SMIM45: variants seen among roughly 807,000 people sequenced by gnomAD.
SMIM45 encodes small integral membrane protein 45.
the SMIM45 span, among the ~76,000 whole-genome samples, chr22:41,954,460 C>A: frequency 6.6e-6 from 1 of 152,130 alleles, no homozygotes; most frequent in African/African-American, 2.4e-5. Context: ...ACTGCCTTGG[C>A]CTCCCAAAAT....
the SMIM45 span, chr22:41,958,437 G>C: frequency 6.6e-6 from 3 of 455,272 alleles, no homozygotes; most frequent in East Asian, 2.1e-4. Context: ...GTGTGTGGTG[G>C]GGGTATGCAG....
the SMIM45 span, among the ~76,000 whole-genome samples, chr22:41,953,852 G>A: frequency 6.9e-6 from 1 of 144,642 alleles, no homozygotes; most frequent in African/African-American, 2.5e-5. Flanking sequence ...CGGGGTTCAC[G>A]CCATTCTCCT....
the SMIM45 span, among the ~76,000 whole-genome samples, chr22:41,949,454 A>C: frequency 6.6e-6 from 1 of 152,214 alleles, no homozygotes. Context: ...CACTCCTGGC[A>C]CTTCCGAGGC....
chr22:41,949,550 G>A, the SMIM45 span, among the ~76,000 whole-genome samples: 1 of 152,220 alleles, frequency 6.6e-6, no homozygotes. Context: ...AGCTCCCAGA[G>A]ACTGAGGCCC....
the SMIM45 span, among the ~76,000 whole-genome samples, chr22:41,950,311 A>C: frequency 2.6e-5 from 4 of 152,222 alleles, no homozygotes; most frequent in African/African-American, 9.6e-5. Context: ...CACCATCACC[A>C]TTAAGAGCCT....
At chr22:41,956,851 C>T in the SMIM45 span, among the ~76,000 whole-genome samples, 14 of 152,342 alleles carry the variant, frequency 9.2e-5, no homozygotes, top group East Asian at 1.3e-3. Flanking sequence ...CACAGTGGCG[C>T]GATCTTGGCT....
chr22:41,958,030 C>G, the SMIM45 span: 1 of 254,584 alleles, frequency 3.9e-6, no homozygotes, highest in Non-Finnish European at 8.0e-6. Context: ...AGCCTGGGCC[C>G]TCCCGACAGA....
chr22:41,953,694 C>T, the SMIM45 span, among the ~76,000 whole-genome samples: 1 of 149,656 alleles, frequency 6.7e-6, no homozygotes, highest in East Asian at 2.0e-4. Context: ...TCAATAGGCC[C>T]TGCATCATCC....
the SMIM45 span, among the ~76,000 whole-genome samples, chr22:41,954,202 ATTTTTTTT>A: frequency 3.8e-5 from 4 of 104,552 alleles, no homozygotes; most frequent in Admixed American, 1.1e-4. Flanking sequence ...GGTACTTTGA[ATTTTTTTT>A]TTTTTTTTTT....
chr22:41,953,745 T>TG, the SMIM45 span, among the ~76,000 whole-genome samples: 1 of 71,918 alleles, frequency 1.4e-5, no homozygotes, highest in Non-Finnish European at 2.2e-5. Flanking sequence ...GATCTGTTTT[T>TG]TTTTTTTTTT....
chr22:41,958,140 C>G, the SMIM45 span: 1 of 352,154 alleles, frequency 2.8e-6, no homozygotes, highest in South Asian at 2.1e-5. Flanking sequence ...GCCCACCCTC[C>G]CAAGCTCAGG....
the SMIM45 span, among the ~76,000 whole-genome samples, chr22:41,952,693 G>A: frequency 2.0e-5 from 3 of 152,342 alleles, no homozygotes; most frequent in African/African-American, 2.4e-5. Context: ...GAGAAATCAG[G>A]AAGAGACCAC....
the SMIM45 span, among the ~76,000 whole-genome samples, chr22:41,949,027 T>C: frequency 6.6e-6 from 1 of 152,096 alleles, no homozygotes; most frequent in Non-Finnish European, 1.5e-5. Context: ...ATTATGCCAG[T>C]GTACTCTGGC....
chr22:41,954,178 AC>A, the SMIM45 span, among the ~76,000 whole-genome samples: 1 of 146,086 alleles, frequency 6.8e-6, no homozygotes, highest in East Asian at 2.0e-4. Context: ...TAGGAATAGC[AC>A]CCACGTCCTA....
the SMIM45 span, among the ~76,000 whole-genome samples, chr22:41,954,972 C>T: frequency 6.6e-6 from 1 of 152,046 alleles, no homozygotes; most frequent in Non-Finnish European, 1.5e-5. Flanking sequence ...CCATTGCACT[C>T]CAGCCTGGGC....
the SMIM45 span, chr22:41,947,120 C>T: frequency 6.3e-7 from 1 of 1,598,212 alleles, no homozygotes; most frequent in East Asian, 2.2e-5. Flanking sequence ...GCGCGCCGAT[C>T]TTTCAAACCG....
At chr22:41,958,205 C>A in the SMIM45 span, 6 of 427,650 alleles carry the variant, frequency 1.4e-5, 1 homozygote, top group South Asian at 1.0e-4. Context: ...CTGCCCTCCA[C>A]TGGACTCAGG....
chr22:41,947,103 C>T, the SMIM45 span: 21 of 1,610,732 alleles, frequency 1.3e-5, no homozygotes, highest in Middle Eastern at 5.0e-4. Context: ...ACCGTTGCTC[C>T]TGCGGTGCGC....
At chr22:41,953,735 G>C in the SMIM45 span, among the ~76,000 whole-genome samples, 1 of 138,400 alleles carries the variant, frequency 7.2e-6, no homozygotes, top group South Asian at 2.4e-4. Context: ...TGTGATCTGT[G>C]ATCTGTTTTT....
Sources: allele counts gnomAD v4.1 joint callset (sites outside exome capture counted in the v4.1 genomes callset), GRCh38; gene constraint gnomAD v4.1.1; transcripts MANE v1.5; gene names NCBI Gene and HGNC (gene_info 2026-07-23, HGNC 2026-07-21).